Variants in CNGA1 observed in about 807,000 individuals in gnomAD.
CNGA1 encodes cyclic nucleotide gated channel subunit alpha 1.
In CNGA1, 53 loss-of-function variants were observed where a neutral mutation model predicts 69.7. That is an observed-to-expected ratio of 0.76 (90% confidence interval 0.61 to 0.96). The LOEUF (loss-of-function observed/expected upper bound fraction) is 0.96, where lower values mean the gene tolerates loss of function less well. Among genes scored for constraint, CNGA1 ranks in the 40% least tolerant of loss-of-function variants. The pLI is 0.00. For synonymous variants in CNGA1, 249 were observed against 283.5 expected, an observed-to-expected ratio of 0.88 and a Z score of 1.22; for missense variants, 739 against 811.2, an observed-to-expected ratio of 0.91 and a Z score of 1.08.
chr4:47,939,165 G>T (rs1031317657), intron 10 of CNGA1, among the ~76,000 whole-genome samples: 2 of 152,180 alleles, frequency 1.3e-5, no homozygotes, highest in African/African-American at 4.8e-5. Context: ...ATGTTTAGAA[G>T]CTTGGAACTT....
chr4:47,965,297 T>C (rs1740661289), intron 3 of CNGA1, among the ~76,000 whole-genome samples: 1 of 152,208 alleles, frequency 6.6e-6, no homozygotes, highest in Non-Finnish European at 1.5e-5. Context: ...TGGGAATTAA[T>C]GTTGAGTTTT....
chr4:47,937,187 T>TTAA lies in CNGA1; in HGVS notation c.1292_1294dup (p.Ile431dup). ...GTTGGTCCACAGGTAGTCAAACCATTTAATAACCCTCTTTTCCATATCTTT... is the reference window on the plus strand; with the variant it reads ...GTTGGTCCACAGGTAGTCAAACCATTTAATAATAACCCTCTTTTCCATATCTTT... On this transcript the variant is annotated inframe_insertion, in exon 11 of 11. Transcript: ENST00000514170. The TTAA allele has an allele frequency of 6.2e-7, 1 of 1,614,206 alleles. No homozygotes were observed. The highest frequency in any genetic ancestry group is 2.2e-5 in the East Asian group (1 of 44,888).
At chr4:48,009,464 CAA>C (rs3033844) in intron 2 of CNGA1, among the ~76,000 whole-genome samples, 15 of 102,304 alleles carry the variant, frequency 1.5e-4, no homozygotes, top group Admixed American at 2.0e-4. Context: ...GAGTCTGTCT[CAA>C]AAAAAAAAAA....
chr4:47,937,350 A>G lies in CNGA1; in HGVS notation c.1132T>C (p.Phe378Leu). Residue 378 changes from phenylalanine to leucine, a missense_variant, in exon 11 of 11, where the codon TTC becomes CTC. Physicochemically the swap from Phe to Leu is conservative, Grantham distance 22. Coordinates refer to ENST00000514170, the MANE Select transcript of CNGA1 (RefSeq NM_001379270.1). ...GCAAAAATTAACACTCCAATTAGGA[A>G]ATCAACCACCACAAAGACATACTCA... ...DSEYVFVVVD[F>L]LIGVLIFATI... The G allele has an allele frequency of 6.2e-7, 1 of 1,614,158 alleles. No individual in the cohort carries two copies. Among genetic ancestry groups the G allele is most frequent in the Non-Finnish European group, 8.5e-7 (1 of 1,180,032 alleles).
intron 8 of CNGA1, among the ~76,000 whole-genome samples, chr4:47,942,359 GTTTTT>G (rs201657712): frequency 5.0e-4 from 62 of 123,306 alleles, no homozygotes; most frequent in African/African-American, 1.1e-3. Context: ...AAAACTACCA[GTTTTT>G]TTTTTTTTTT....
At chr4:47,942,969 A>G (rs1402181750) in intron 8 of CNGA1, 1 of 450,564 alleles carries the variant, frequency 2.2e-6, no homozygotes, top group Non-Finnish European at 3.9e-6. Flanking sequence ...GAATAATGCT[A>G]CCATTGCTAA....
chr4:47,999,552 A>G (rs1714567001), intron 2 of CNGA1, among the ~76,000 whole-genome samples: 1 of 152,222 alleles, frequency 6.6e-6, no homozygotes, highest in Non-Finnish European at 1.5e-5. Flanking sequence ...ATCAGTCAAT[A>G]GCTGCATACC....
At position 47,942,139 on chromosome 4, in the gene CNGA1, T is replaced by C. The variant is rs373361237; in HGVS notation, c.447A>G (p.Lys149=). The stretch of plus-strand genomic sequence containing the variant: ...CCGAGGGATCAATAACCACAACTTC[T>C]TTCTTCTCCCTAGCGGCAATTAGAA... ...KSKDKKEEEK[K]EVVVIDPSGN... The change falls in exon 9 of 11, where the codon AAA becomes AAG. Residue 149 remains lysine, a synonymous_variant. Coordinates refer to ENST00000514170, the MANE Select transcript of CNGA1 (RefSeq NM_001379270.1). The C allele has an allele frequency of 1.9e-6, 3 of 1,608,894 alleles. No individual in the cohort carries two copies. The highest frequency in any genetic ancestry group is 2.6e-6 in the Non-Finnish European group (3 of 1,175,402).
At chr4:47,967,935 G>A (rs1404436799) in intron 3 of CNGA1, among the ~76,000 whole-genome samples, 4 of 151,940 alleles carry the variant, frequency 2.6e-5, no homozygotes, top group South Asian at 2.1e-4. Flanking sequence ...CCTAGATCAC[G>A]CCACTGCACT....
chr4:47,942,015 A>C (rs763321552), intron 9 of CNGA1, 26 bp downstream of exon 9: 32 of 1,047,544 alleles, frequency 3.1e-5, no homozygotes, highest in Middle Eastern at 2.3e-4. Flanking sequence ...AGATCCACAA[A>C]AAAAAAAAAA....
chr4:48,016,220 T>A (rs1179216610), intron 1 of CNGA1, among the ~76,000 whole-genome samples: 1 of 151,854 alleles, frequency 6.6e-6, no homozygotes, highest in Non-Finnish European at 1.5e-5. Flanking sequence ...GGAGAGTGGA[T>A]GGATATAGCG....
intron 6 of CNGA1, among the ~76,000 whole-genome samples, chr4:47,944,779 C>T (rs1449650514): frequency 6.6e-6 from 1 of 152,124 alleles, no homozygotes; most frequent in Non-Finnish European, 1.5e-5. Context: ...CATTACAGAA[C>T]TGAGTTCTCT....
At chr4:47,973,104 G>T (rs142927262) in intron 3 of CNGA1, among the ~76,000 whole-genome samples, 3,160 of 123,776 alleles carry the variant, frequency 0.026, 64 homozygotes, top group Non-Finnish European at 0.034. Context: ...GTCTTGCTCT[G>T]CCGCCCAGGC....
chr4:48,006,455 T>C (rs536180004), intron 2 of CNGA1, among the ~76,000 whole-genome samples: 7 of 152,160 alleles, frequency 4.6e-5, no homozygotes, highest in African/African-American at 1.4e-4. Context: ...AATTTTAGAA[T>C]ACATACCAAT....
At chr4:48,007,113 T>C (rs1439899074) in intron 2 of CNGA1, among the ~76,000 whole-genome samples, 1 of 152,016 alleles carries the variant, frequency 6.6e-6, no homozygotes, top group Admixed American at 6.5e-5. Flanking sequence ...TTCTAAACAA[T>C]TAGCTCTAAT....
intron 10 of CNGA1, among the ~76,000 whole-genome samples, chr4:47,938,043 A>G (rs1738789004): frequency 6.6e-6 from 1 of 152,038 alleles, no homozygotes; most frequent in Non-Finnish European, 1.5e-5. Context: ...TTGGCCAGAC[A>G]GCTCACATCT....
At chr4:47,984,693 C>CATAT (rs1202019004) in intron 2 of CNGA1, among the ~76,000 whole-genome samples, 5,645 of 132,546 alleles carry the variant, frequency 0.043, 141 homozygotes, top group African/African-American at 0.06. Context: ...CACACACACA[C>CATAT]ATATATATAT....
chr4:47,949,949 T>A (rs1739643344), intron 5 of CNGA1, 54 bp from the exon 6 acceptor site: 3 of 1,531,204 alleles, frequency 2.0e-6, no homozygotes, highest in African/African-American at 2.7e-5. Context: ...CTGTATAATG[T>A]CCATGGTAGG....
At chr4:47,996,006 G>T (rs1578121992) in intron 2 of CNGA1, among the ~76,000 whole-genome samples, 1 of 152,156 alleles carries the variant, frequency 6.6e-6, no homozygotes, top group Non-Finnish European at 1.5e-5. Context: ...CCATCTGTGG[G>T]TCTCTCATCT....
Sources: gnomAD v4.1 joint callset for allele counts (sites outside exome capture counted in the v4.1 genomes callset) on GRCh38, gnomAD v4.1.1 for gene constraint, MANE v1.5 for transcripts, NCBI Gene and HGNC (gene_info 2026-07-23, HGNC 2026-07-21) for gene names.